The following CDH12 variants were observed in gnomAD, a reference collection of about 807,000 sequenced individuals.
The protein encoded by CDH12 is cadherin 12.
A neutral mutation model predicts 74.1 loss-of-function variants in CDH12; 41 were observed. That is an observed-to-expected ratio of 0.55 (90% CI 0.43 to 0.72). The LOEUF is 0.72. CDH12 is among the 30% of genes least tolerant of loss of function. CDH12 has a pLI of 0.00. For synonymous variants in CDH12, 399 were observed against 355.0 expected (o/e 1.12, Z -1.39); for missense variants, 945 against 977.2 (o/e 0.97, Z 0.44).
intron 9 of CDH12, among the ~76,000 whole-genome samples, chr5:21,814,729 G>C (rs1747947562): frequency 6.7e-6 from 1 of 150,204 alleles, no homozygotes; most frequent in African/African-American, 2.4e-5. Context: ...TACTTTGGAA[G>C]TATACTTAAT....
chr5:22,640,346 T>C (rs1174569550), intron 1 of CDH12, among the ~76,000 whole-genome samples: 1 of 152,230 alleles, frequency 6.6e-6, no homozygotes, highest in African/African-American at 2.4e-5. Flanking sequence ...TATTTTGTCA[T>C]GTATTACTTT....
At chr5:22,117,375 T>A (rs1487763100) in intron 4 of CDH12, among the ~76,000 whole-genome samples, 2 of 141,288 alleles carry the variant, frequency 1.4e-5, no homozygotes, top group Admixed American at 7.5e-5. Flanking sequence ...AGTTATGAAA[T>A]GTGTGCTCCA....
intron 5 of CDH12, among the ~76,000 whole-genome samples, chr5:21,981,973 C>A (rs1757325752): frequency 1.3e-5 from 2 of 152,112 alleles, no homozygotes; most frequent in Admixed American, 1.3e-4. Flanking sequence ...CCTGTGTGGC[C>A]AGGCCTCTTT....
intron 5 of CDH12, among the ~76,000 whole-genome samples, chr5:22,027,092 T>C (rs1025527755): frequency 2.6e-5 from 4 of 152,146 alleles, no homozygotes; most frequent in African/African-American, 4.8e-5. Flanking sequence ...TTGTCTTTGG[T>C]TCTGTTTATA....
At chr5:22,565,265 C>T (rs1313180599) in intron 1 of CDH12, among the ~76,000 whole-genome samples, 2 of 152,106 alleles carry the variant, frequency 1.3e-5, no homozygotes, top group South Asian at 4.1e-4. Flanking sequence ...ATATACCTAG[C>T]AGTAGGATTG....
intron 1 of CDH12, among the ~76,000 whole-genome samples, chr5:22,820,622 T>A (rs969386241): frequency 1.3e-5 from 2 of 152,086 alleles, no homozygotes; most frequent in African/African-American, 4.8e-5. Flanking sequence ...GCAAATAAAC[T>A]AGAAAATCTA....
chr5:22,747,784 G>A (rs1452479292), intron 1 of CDH12, among the ~76,000 whole-genome samples: 2 of 152,046 alleles, frequency 1.3e-5, no homozygotes, highest in Non-Finnish European at 2.9e-5. Flanking sequence ...CTTGGCCCTT[G>A]CAGCAAAATA....
intron 5 of CDH12, among the ~76,000 whole-genome samples, chr5:22,051,829 G>A (rs1740392381): frequency 6.6e-6 from 1 of 152,028 alleles, no homozygotes; most frequent in Non-Finnish European, 1.5e-5. Context: ...GAGCTGGACA[G>A]CCCTTTCAGA....
chr5:21,955,272 CT>C (rs572690417), intron 6 of CDH12, among the ~76,000 whole-genome samples: 22 of 147,258 alleles, frequency 1.5e-4, no homozygotes, highest in South Asian at 4.3e-4. Context: ...AAATGTCAAG[CT>C]TTTTTTTTTC....
chr5:22,508,252 C>A (rs1427468582), intron 1 of CDH12, among the ~76,000 whole-genome samples: 1 of 152,132 alleles, frequency 6.6e-6, no homozygotes, highest in Non-Finnish European at 1.5e-5. Context: ...AAATTCCTAT[C>A]TAAGGGGTCT....
intron 4 of CDH12, among the ~76,000 whole-genome samples, chr5:22,108,213 A>T (rs1169947596): frequency 2.6e-5 from 4 of 152,094 alleles, no homozygotes; most frequent in African/African-American, 9.7e-5. Context: ...TGGTTTTATA[A>T]AGGGCAGTTC....
At chr5:22,202,739 T>C (rs1340533367) in intron 4 of CDH12, among the ~76,000 whole-genome samples, 1 of 152,130 alleles carries the variant, frequency 6.6e-6, no homozygotes, top group Admixed American at 6.5e-5. Flanking sequence ...ATTCATCTAA[T>C]CCTGCAATAC....
chr5:22,515,807 A>G (rs1736785650), intron 1 of CDH12, among the ~76,000 whole-genome samples: 1 of 152,172 alleles, frequency 6.6e-6, no homozygotes. Context: ...GACTGTTGAT[A>G]CAAAATATAG....
intron 4 of CDH12, among the ~76,000 whole-genome samples, chr5:22,134,900 C>A (rs1160363353): frequency 2.0e-5 from 3 of 151,618 alleles, no homozygotes; most frequent in East Asian, 1.9e-4. Context: ...CACACTCCCC[C>A]CACCAAGCTG....
intron 4 of CDH12, among the ~76,000 whole-genome samples, chr5:22,122,061 C>G (rs554042112): frequency 3.9e-4 from 60 of 152,186 alleles, no homozygotes; most frequent in Admixed American, 3.5e-3. Context: ...CATGTTAGTT[C>G]TCTGCTCAGG....
intron 1 of CDH12, among the ~76,000 whole-genome samples, chr5:22,520,398 G>A (rs1457196423): frequency 1.3e-5 from 2 of 152,006 alleles, no homozygotes; most frequent in East Asian, 1.9e-4. Context: ...AAACATTTTA[G>A]TTTTCATTAT....
intron 3 of CDH12, among the ~76,000 whole-genome samples, chr5:22,331,228 G>A (rs768081022): frequency 4.6e-5 from 7 of 152,150 alleles, no homozygotes; most frequent in African/African-American, 7.2e-5. Context: ...TGGGTCCTGG[G>A]GGAGCTTGCC....
chr5:22,209,548 T>G (rs558289282), intron 4 of CDH12, among the ~76,000 whole-genome samples: 1 of 151,906 alleles, frequency 6.6e-6, no homozygotes, highest in South Asian at 2.1e-4. Flanking sequence ...TGTGTCAACC[T>G]CTCTTGGAAA....
In CDH12 at chr5:22,363,126, A is replaced by G. The variant is rs545915009; in HGVS notation, c.-333+42131T>C. On this transcript the variant is annotated intron_variant, in intron 3 of 14. Coordinates refer to ENST00000382254, the MANE Select transcript of CDH12 (RefSeq NM_004061.5). ...TACAGAAATAAATGGAGCTCTGTGT[A>G]TATTAGACATATATTTTCAAATAAA... Among the ~76,000 whole-genome samples, 4 of 152,234 alleles carry G rather than the reference A, an allele frequency of 2.6e-5. No individual in the cohort carries two copies. In the South Asian group the frequency reaches 8.3e-4, roughly 32 times the overall value.
Sources: allele counts gnomAD v4.1 joint callset (sites outside exome capture counted in the v4.1 genomes callset), GRCh38; gene constraint gnomAD v4.1.1; transcripts MANE v1.5; gene names NCBI Gene and HGNC (gene_info 2026-07-23, HGNC 2026-07-21).